CDH18: variants seen among roughly 807,000 people sequenced by gnomAD.
The protein encoded by CDH18 is cadherin 18, also known as cadherin-18.
In CDH18, 31 loss-of-function variants were observed where a neutral mutation model predicts 67.9. The observed-to-expected ratio is 0.46, with a 90% CI of 0.34 to 0.62. CDH18 has a LOEUF of 0.62. Ranked by LOEUF, CDH18 falls within the 20% of genes least tolerant of loss-of-function variation. The pLI, the probability that CDH18 is intolerant of heterozygous loss-of-function variation, is 0.01. For missense variants in CDH18, 890 were observed against 975.5 expected (o/e 0.91, Z 1.17); for synonymous variants, 362 against 347.2 (o/e 1.04, Z -0.48).
intron 2 of CDH18, among the ~76,000 whole-genome samples, chr5:20,078,812 C>T (rs564164892): frequency 2.2e-4 from 33 of 152,170 alleles, no homozygotes; most frequent in Non-Finnish European, 4.0e-4. Context: ...GACAGGGTCT[C>T]GCCACGTTGG....
chr5:20,396,638 A>G (rs1745305853), intron 1 of CDH18, among the ~76,000 whole-genome samples: 2 of 121,364 alleles, frequency 1.6e-5, no homozygotes, highest in Admixed American at 8.6e-5. Flanking sequence ...ATTAGATTGG[A>G]TAAAATCTAA....
intron 2 of CDH18, among the ~76,000 whole-genome samples, chr5:20,034,957 G>C (rs1402573477): frequency 1.3e-5 from 2 of 152,030 alleles, no homozygotes; most frequent in African/African-American, 4.8e-5. Flanking sequence ...AAGCATGTAA[G>C]GTTGACTTGC....
chr5:19,807,588 C>G (rs561449394), intron 3 of CDH18, among the ~76,000 whole-genome samples: 1 of 152,278 alleles, frequency 6.6e-6, no homozygotes. Context: ...TCCTAAACCA[C>G]AGGTACCTGA....
chr5:20,099,093 C>T (rs1368749176), intron 2 of CDH18, among the ~76,000 whole-genome samples: 2 of 152,120 alleles, frequency 1.3e-5, no homozygotes, highest in African/African-American at 2.4e-5. Flanking sequence ...TAGACACTTG[C>T]AAAGATGTTG....
chr5:20,178,321 T>C (rs1295086750), intron 2 of CDH18, among the ~76,000 whole-genome samples: 1 of 151,884 alleles, frequency 6.6e-6, no homozygotes, highest in Non-Finnish European at 1.5e-5. Flanking sequence ...AAAATAAATC[T>C]CTCTTTCTTT....
At chr5:20,173,601 G>A (rs1737010932) in intron 2 of CDH18, among the ~76,000 whole-genome samples, 1 of 152,090 alleles carries the variant, frequency 6.6e-6, no homozygotes, top group African/African-American at 2.4e-5. Context: ...AGTCAGATTT[G>A]CATTTAAAAA....
At chr5:20,546,399 A>G (rs945579346) in intron 1 of CDH18, among the ~76,000 whole-genome samples, 2 of 117,364 alleles carry the variant, frequency 1.7e-5, no homozygotes, top group Non-Finnish European at 3.9e-5. Context: ...TCACACTACT[A>G]TAAAAAAAAA....
At chr5:20,304,359 GT>G in intron 1 of CDH18, 1 of 1,495,206 alleles carries the variant, frequency 6.7e-7, no homozygotes, top group Non-Finnish European at 9.3e-7. Flanking sequence ...TTGTAAAATA[GT>G]TTACACTTTT....
At chr5:19,776,947 A>G (rs1327019110) in intron 3 of CDH18, among the ~76,000 whole-genome samples, 1 of 152,238 alleles carries the variant, frequency 6.6e-6, no homozygotes, top group African/African-American at 2.4e-5. Context: ...GAAATATTAC[A>G]CAACATAATG....
At position 20,069,954 on chromosome 5, in the gene CDH18, T is replaced by C. The variant is rs139134585; in HGVS notation, c.-517-77940A>G. On this transcript the variant is annotated intron_variant, in intron 2 of 14. Coordinates refer to the CDH18 transcript ENST00000507958. Reference sequence around the variant, plus strand: ...ATAGTTTAGGGTTCATTCTCAGTGTTGTACAGTCTATGGGTGTGGGCAGAG... The same window carrying C: ...ATAGTTTAGGGTTCATTCTCAGTGTCGTACAGTCTATGGGTGTGGGCAGAG... Among the ~76,000 whole-genome samples, 466 of 152,300 alleles carry C rather than the reference T, an allele frequency of 3.1e-3. 3 individuals are homozygous for C. The highest frequency in any genetic ancestry group is 0.026 in the South Asian group (124 of 4,824).
chr5:20,310,812 C>T (rs1156903897), intron 1 of CDH18, among the ~76,000 whole-genome samples: 1 of 152,144 alleles, frequency 6.6e-6, no homozygotes, highest in Non-Finnish European at 1.5e-5. Context: ...TTTCTGACTA[C>T]TGGATTGCTC....
At chr5:19,597,242 C>A (rs533619919) in intron 6 of CDH18, among the ~76,000 whole-genome samples, 5 of 152,152 alleles carry the variant, frequency 3.3e-5, no homozygotes, top group African/African-American at 1.2e-4. Flanking sequence ...TGGGCAAGAC[C>A]TCAGCCCCTG....
chr5:19,749,470 CAT>C (rs966354004), intron 3 of CDH18, among the ~76,000 whole-genome samples: 3 of 150,692 alleles, frequency 2.0e-5, no homozygotes, highest in Admixed American at 6.6e-5. Flanking sequence ...TGTGTGTATA[CAT>C]ATATATATAC....
chr5:19,961,139 G>A (rs1217785062), intron 2 of CDH18, among the ~76,000 whole-genome samples: 1 of 124,826 alleles, frequency 8.0e-6, no homozygotes, highest in African/African-American at 3.0e-5. Context: ...GTCTCATTCT[G>A]TCGCCCAGGC....
intron 3 of CDH18, among the ~76,000 whole-genome samples, chr5:19,758,541 T>G (rs985016891): frequency 9.9e-5 from 15 of 152,190 alleles, no homozygotes; most frequent in African/African-American, 3.4e-4. Context: ...CAGAGCCTTC[T>G]CCTGTTCTGT....
At position 20,330,889 on chromosome 5, in the gene CDH18, G is replaced by A. The variant is rs145080510; in HGVS notation, c.-579-75384C>T. Among the ~76,000 whole-genome samples, 52 of 152,190 alleles carry A rather than the reference G, an allele frequency of 3.4e-4. No individual in the cohort carries two copies. The East Asian group carries it at 5.8e-3, about 17-fold the overall frequency. On this transcript the variant is annotated intron_variant, in intron 1 of 14. Transcript: ENST00000507958. ...AAAGCTTTTTAATAAACTTTCACTC[G>A]TGCTTGAAAACTTGCCTCAGTCTCT...
In CDH18 at chr5:19,838,969, T is replaced by C. The variant is rs148353712; in HGVS notation, c.18A>G (p.Thr6=). The C allele has an allele frequency of 2.5e-6, 4 of 1,612,596 alleles. No individual in the cohort carries two copies. The African/African-American group carries it at 5.3e-5, about 22-fold the overall frequency. Residue 6 remains threonine, a synonymous_variant, in exon 3 of 13, where the codon ACA becomes ACG. Transcript: ENST00000382275. ...ACACTAGGACTGGACAGATGCAAGATGTGCTAGTAATTTTCATTGTAAGAT... is the reference window on the plus strand; with the variant it reads ...ACACTAGGACTGGACAGATGCAAGACGTGCTAGTAATTTTCATTGTAAGAT... MKITS[T]SCICPVLVCL...
intron 3 of CDH18, 151 bp from the exon 4 acceptor site, chr5:19,747,387 C>A: frequency 1.7e-6 from 1 of 579,980 alleles, no homozygotes; most frequent in African/African-American, 1.9e-5. Flanking sequence ...TGCTTTTCTG[C>A]AGTTTTTTTT....
intron 2 of CDH18, among the ~76,000 whole-genome samples, chr5:19,934,507 A>G (rs1794031910): frequency 6.6e-6 from 1 of 151,484 alleles, no homozygotes; most frequent in Non-Finnish European, 1.5e-5. Flanking sequence ...TGGTTCCCTA[A>G]AGAATTCTTG....
Sources: gnomAD v4.1 joint callset for allele counts (sites outside exome capture counted in the v4.1 genomes callset) on GRCh38, gnomAD v4.1.1 for gene constraint, MANE v1.5 for transcripts, NCBI Gene and HGNC (gene_info 2026-07-23, HGNC 2026-07-21) for gene names.